Variants in PRUNE2 observed in about 807,000 individuals in gnomAD.
PRUNE2 encodes the protein protein prune homolog 2.
Under a neutral mutation model 252.0 loss-of-function variants are expected in PRUNE2, and 164 were observed. That is an observed-to-expected ratio of 0.65 (90% confidence interval 0.57 to 0.74). The LOEUF is 0.74. Ranked by LOEUF, PRUNE2 falls within the 30% of genes least tolerant of loss-of-function variation. The pLI is 0.00. For missense variants in PRUNE2, 3,495 were observed against 3,711.0 expected (o/e 0.94, Z 1.51); for synonymous variants, 1,292 against 1,350.2 (o/e 0.96, Z 0.94).
chr9:76,817,144 G>A (rs988542126), intron 6 of PRUNE2, among the ~76,000 whole-genome samples: 2 of 152,092 alleles, frequency 1.3e-5, no homozygotes, highest in African/African-American at 4.8e-5. Context: ...GCTTAAGGAT[G>A]TCTAGGCTGT....
At chr9:76,888,632 G>T (rs1158219172) in intron 1 of PRUNE2, among the ~76,000 whole-genome samples, 1 of 151,142 alleles carries the variant, frequency 6.6e-6, no homozygotes, top group Non-Finnish European at 1.5e-5. Context: ...GAGAGAAAGA[G>T]ACCAAAAGGT....
chr9:76,836,547 G>A (rs1043167148), intron 4 of PRUNE2, among the ~76,000 whole-genome samples: 4 of 152,034 alleles, frequency 2.6e-5, no homozygotes, highest in Admixed American at 1.3e-4. Context: ...TTATGAGCAC[G>A]TTCCCTTCTT....
chr9:76,708,390 C>T lies in PRUNE2; in HGVS notation c.3884G>A (p.Ser1295Asn). 3 of 1,613,882 alleles carry T rather than the reference C, an allele frequency of 1.9e-6. No individual in the cohort carries two copies. Among genetic ancestry groups the T allele is most frequent in the Middle Eastern group, 1.6e-4 (1 of 6,062 alleles). The change falls in exon 8 of 19, where the codon AGT becomes AAT. Residue 1295 changes from serine (S) to asparagine (N), a missense_variant. By Grantham distance (46) the Ser-to-Asn change is conservative. Transcript: ENST00000376718. Reference protein sequence around the residue: ...KQDTERETLQSDAASLATRLE... With the variant: ...KQDTERETLQNDAASLATRLE... The stretch of plus-strand genomic sequence containing the variant: ...CCTAGTCGCCAAGGATGCTGCATCA[C>T]TTTGCAGGGTTTCCCTCTCTGTGTC...
At chr9:76,680,462 C>A (rs1456813596) in intron 9 of PRUNE2, among the ~76,000 whole-genome samples, 1 of 152,130 alleles carries the variant, frequency 6.6e-6, no homozygotes, top group Non-Finnish European at 1.5e-5. Flanking sequence ...ATGATGCAGC[C>A]TCTTTTAAAA....
chr9:76,820,555 C>A (rs11145084), intron 6 of PRUNE2, among the ~76,000 whole-genome samples: 19,192 of 152,212 alleles, frequency 0.13, 1,329 homozygotes, highest in East Asian at 0.18. Flanking sequence ...ATGACTTACA[C>A]AACGGTAGAA....
chr9:76,857,238 C>A (rs1208268718), intron 1 of PRUNE2: 3 of 427,760 alleles, frequency 7.0e-6, no homozygotes, highest in Non-Finnish European at 1.4e-5. Context: ...TCAAAATGTA[C>A]CATCTTGGTG....
chr9:76,894,340 G>C (rs1319538391), intron 1 of PRUNE2, among the ~76,000 whole-genome samples: 1 of 152,126 alleles, frequency 6.6e-6, no homozygotes, highest in East Asian at 1.9e-4. Context: ...CTTGCTAAGG[G>C]CCAAGGGACA....
At chr9:76,685,100 T>C (rs2043939564) in intron 9 of PRUNE2, among the ~76,000 whole-genome samples, 2 of 152,204 alleles carry the variant, frequency 1.3e-5, no homozygotes, top group Admixed American at 6.5e-5. Flanking sequence ...TACTGACTTC[T>C]CTTAAGACTC....
intron 4 of PRUNE2, among the ~76,000 whole-genome samples, chr9:76,837,419 C>T (rs952037436): frequency 3.0e-4 from 43 of 145,660 alleles, no homozygotes; most frequent in African/African-American, 6.8e-4. Flanking sequence ...TCCGGCCTGG[C>T]GACACAGTGA....
chr9:76,853,424 A>C (rs1421391060), intron 2 of PRUNE2, among the ~76,000 whole-genome samples: 1 of 152,216 alleles, frequency 6.6e-6, no homozygotes, highest in East Asian at 1.9e-4. Context: ...CGTTAATAAA[A>C]AGCCCATTAT....
chr9:76,883,803 G>A lies in PRUNE2; in HGVS notation c.36+22125C>T, dbSNP rs1029819625. Among the ~76,000 whole-genome samples the A allele has an allele frequency of 4.6e-5, 7 of 152,170 alleles. No homozygotes were observed. In the East Asian group the frequency reaches 9.6e-4, roughly 21 times the overall value. Reference sequence around the variant, plus strand: ...TTTATCTGTGCCCCTTCCATGTGACGTTGTTGCTCCTCTCATCAAGAGAAG... The same window carrying A: ...TTTATCTGTGCCCCTTCCATGTGACATTGTTGCTCCTCTCATCAAGAGAAG... On this transcript the variant is annotated intron_variant, in intron 1 of 18. Coordinates refer to ENST00000376718, the MANE Select transcript of PRUNE2 (RefSeq NM_015225.3).
chr9:76,778,460 T>C (rs1431737513), intron 6 of PRUNE2: 1 of 152,232 alleles, frequency 6.6e-6, no homozygotes. Context: ...ACTTTCAAAC[T>C]GGGGCACTAC....
chr9:76,710,978 GGT>G lies in PRUNE2; in HGVS notation c.1294_1295del (p.Thr432HisfsTer2). The stretch of plus-strand genomic sequence containing the variant: ...CCTTGGATGAGCGGCTGCTCCTAAT[GGT>G]AGCCAGTCCGCTGTCTGGGCTAACA... ...DLVSPDSGLA[T>X]IRSSRSSKES... On this transcript the variant is annotated frameshift_variant, in exon 8 of 19. Transcript: ENST00000376718. LOFTEE classifies it high-confidence loss of function. 6.2e-7 allele frequency: 1 copy of G among 1,609,410 alleles called. No individual in the cohort carries two copies. Among genetic ancestry groups the G allele is most frequent in the South Asian group, 1.1e-5 (1 of 90,316 alleles).
At chr9:76,853,393 A>G (rs1251728618) in intron 2 of PRUNE2, among the ~76,000 whole-genome samples, 1 of 152,204 alleles carries the variant, frequency 6.6e-6, no homozygotes, top group East Asian at 1.9e-4. Flanking sequence ...AGACACTCAT[A>G]ACATACATTT....
intron 9 of PRUNE2, among the ~76,000 whole-genome samples, chr9:76,696,148 A>G (rs925924688): frequency 6.6e-6 from 1 of 152,182 alleles, no homozygotes; most frequent in Non-Finnish European, 1.5e-5. Flanking sequence ...CAGAACCGGC[A>G]GCTTGGACTT....
intron 4 of PRUNE2, among the ~76,000 whole-genome samples, chr9:76,836,112 C>T (rs979444342): frequency 1.3e-5 from 2 of 152,018 alleles, no homozygotes; most frequent in African/African-American, 4.8e-5. Context: ...CACACACGCA[C>T]ACAAATACAA....
intron 6 of PRUNE2, among the ~76,000 whole-genome samples, chr9:76,745,863 C>A (rs2050059498): frequency 6.6e-6 from 1 of 152,222 alleles, no homozygotes; most frequent in African/African-American, 2.4e-5. Context: ...ATCCCTCTCT[C>A]CGACCACAAG....
At chr9:76,625,783 C>T (rs1431468849) in intron 16 of PRUNE2, among the ~76,000 whole-genome samples, 4 of 152,180 alleles carry the variant, frequency 2.6e-5, no homozygotes, top group South Asian at 2.1e-4. Flanking sequence ...TTGTTTCATA[C>T]TGTAAACAAG....
intron 6 of PRUNE2, among the ~76,000 whole-genome samples, chr9:76,731,989 A>G (rs1477706127): frequency 3.3e-5 from 5 of 152,164 alleles, no homozygotes; most frequent in Non-Finnish European, 7.4e-5. Context: ...CAGGTCCTCT[A>G]AGGGACCCTG....
Sources: gnomAD v4.1 joint callset for allele counts (sites outside exome capture counted in the v4.1 genomes callset) on GRCh38, gnomAD v4.1.1 for gene constraint, MANE v1.5 for transcripts, NCBI Gene and HGNC (gene_info 2026-07-23, HGNC 2026-07-21) for gene names.